TCF4: variants seen among roughly 807,000 people sequenced by gnomAD.
TCF4 encodes transcription factor 4, also known as SL3-3 enhancer factor 2.
In TCF4, 3 loss-of-function variants were observed where a neutral mutation model predicts 82.1. The ratio of observed to expected loss-of-function variants is 0.04; its 90% CI spans 0.02 to 0.09. TCF4 has a LOEUF of 0.09. Among genes scored for constraint, TCF4 ranks in the 10% least tolerant of loss-of-function variants. The probability of loss-of-function intolerance (pLI) is 1.00; values close to 1 mark genes in which losing one functional copy is unlikely to be tolerated. For missense variants in TCF4, 518 were observed against 852.7 expected, an observed-to-expected ratio of 0.61 and a Z score of 4.89; for synonymous variants, 276 against 309.6, an observed-to-expected ratio of 0.89 and a Z score of 1.14.
At chr18:55,405,214 C>A (rs918771095) in intron 5 of TCF4, among the ~76,000 whole-genome samples, 2 of 152,192 alleles carry the variant, frequency 1.3e-5, no homozygotes, top group African/African-American at 4.8e-5. Flanking sequence ...AAAGGCTCGA[C>A]CTTCATGAGC....
chr18:55,273,181 G>A (rs548006053), intron 10 of TCF4, among the ~76,000 whole-genome samples: 1 of 152,268 alleles, frequency 6.6e-6, no homozygotes, highest in Non-Finnish European at 1.5e-5. Flanking sequence ...GGGATTTAAA[G>A]ACTAAACATC....
intron 2 of TCF4, among the ~76,000 whole-genome samples, chr18:55,616,477 A>G (rs1271706485): frequency 1.3e-5 from 2 of 152,082 alleles, no homozygotes; most frequent in Non-Finnish European, 1.5e-5. Context: ...TTGGATATAT[A>G]CCAGAAGTGG....
intron 11 of TCF4, among the ~76,000 whole-genome samples, chr18:55,264,151 C>T (rs2058622144): frequency 1.3e-5 from 2 of 152,074 alleles, no homozygotes; most frequent in African/African-American, 2.4e-5. Flanking sequence ...AGAACTACAC[C>T]TTTCTAACTA....
intron 3 of TCF4, among the ~76,000 whole-genome samples, chr18:55,555,257 AC>A (rs1315153024): frequency 1.3e-5 from 2 of 152,190 alleles, no homozygotes; most frequent in African/African-American, 4.8e-5. Context: ...ATCTCATACT[AC>A]AAATTCAAAC....
chr18:55,405,998 G>A (rs2094066234), intron 5 of TCF4, among the ~76,000 whole-genome samples: 1 of 152,092 alleles, frequency 6.6e-6, no homozygotes, highest in South Asian at 2.1e-4. Flanking sequence ...TAAGAGACCA[G>A]CATAGACATG....
At chr18:55,250,852 G>C (rs1011153442) in intron 15 of TCF4, among the ~76,000 whole-genome samples, 3 of 152,206 alleles carry the variant, frequency 2.0e-5, no homozygotes, top group African/African-American at 7.2e-5. Context: ...GCTATGCGGA[G>C]CTGGTTAAGA....
chr18:55,550,958 C>G (rs78298053), intron 3 of TCF4: 1 of 149,558 alleles, frequency 6.7e-6, no homozygotes, highest in Non-Finnish European at 1.5e-5. Flanking sequence ...TTTTTTTTTT[C>G]TATGACACGA....
chr18:55,355,258 T>A (rs760364290), intron 6 of TCF4, among the ~76,000 whole-genome samples: 12 of 152,174 alleles, frequency 7.9e-5, no homozygotes, highest in Non-Finnish European at 1.8e-4. Context: ...AAATGCAAAA[T>A]ACACATTGAG....
At chr18:55,487,874 C>A in intron 3 of TCF4, among the ~76,000 whole-genome samples, 1 of 151,332 alleles carries the variant, frequency 6.6e-6, no homozygotes, top group Non-Finnish European at 1.5e-5. Flanking sequence ...GGATTGTATA[C>A]AAAGCTCTCC....
At chr18:55,587,991 C>A in intron 1 of TCF4, 47 bp downstream of exon 1, 1 of 979,290 alleles carries the variant, frequency 1.0e-6, no homozygotes, top group African/African-American at 1.8e-5. Context: ...AACCCCGCGC[C>A]GCCGGGCGCC....
intron 3 of TCF4, among the ~76,000 whole-genome samples, chr18:55,571,990 G>A (rs557161876): frequency 1.3e-5 from 2 of 152,184 alleles, no homozygotes; most frequent in East Asian, 3.9e-4. Context: ...AGCATCCCTG[G>A]ATGCTGAGAG....
intron 5 of TCF4, among the ~76,000 whole-genome samples, chr18:55,409,691 T>C (rs923059870): frequency 2.6e-5 from 4 of 152,206 alleles, no homozygotes; most frequent in African/African-American, 9.6e-5. Flanking sequence ...ATGATGTAGG[T>C]TCAAAAATTA....
chr18:55,415,866 G>C (rs1409764290), intron 5 of TCF4, among the ~76,000 whole-genome samples: 2 of 152,118 alleles, frequency 1.3e-5, no homozygotes, highest in East Asian at 3.9e-4. Flanking sequence ...TGAGTATATT[G>C]AATTACACTT....
intron 8 of TCF4, among the ~76,000 whole-genome samples, chr18:55,332,530 T>TA (rs1457002053): frequency 6.6e-6 from 1 of 152,176 alleles, no homozygotes; most frequent in Non-Finnish European, 1.5e-5. Flanking sequence ...AGCTCTGTGT[T>TA]TATTAGTCTG....
rs375766797 is a variant in TCF4 at position 55,357,553 on chromosome 18, C to T, written c.370-6550G>A. On this transcript the variant is annotated intron_variant, in intron 6 of 19. Transcript: ENST00000354452. ...TACTAGGGAATTAGCAACACTTTTGCTATAAATATAAACAAGTAGCTATAA... is the reference window on the plus strand; with the variant it reads ...TACTAGGGAATTAGCAACACTTTTGTTATAAATATAAACAAGTAGCTATAA... Among the ~76,000 whole-genome samples, 5 of 152,106 alleles carry T rather than the reference C, an allele frequency of 3.3e-5. No homozygotes were observed. The East Asian group carries it at 5.8e-4, about 18-fold the overall frequency.
At chr18:55,315,357 T>G (rs1214305540) in intron 8 of TCF4, among the ~76,000 whole-genome samples, 1 of 152,106 alleles carries the variant, frequency 6.6e-6, no homozygotes, top group African/African-American at 2.4e-5. Context: ...CTTTAAGAAA[T>G]TAGGAAGAAT....
At chr18:55,612,521 T>C (rs895987073) in intron 2 of TCF4, among the ~76,000 whole-genome samples, 1 of 152,244 alleles carries the variant, frequency 6.6e-6, no homozygotes, top group African/African-American at 2.4e-5. Flanking sequence ...AATCATGATA[T>C]GTAGCTCACT....
intron 2 of TCF4, among the ~76,000 whole-genome samples, chr18:55,624,576 T>TAAA (rs35159003): frequency 3.6e-5 from 5 of 137,156 alleles, no homozygotes; most frequent in Non-Finnish European, 6.2e-5. Flanking sequence ...AGACCCAGAT[T>TAAA]AAAAAAAAAA....
At chr18:55,232,255 A>T (rs1290007701) in intron 17 of TCF4, 1 of 463,158 alleles carries the variant, frequency 2.2e-6, no homozygotes, top group East Asian at 3.9e-5. Flanking sequence ...ACTGTACTTG[A>T]ATCAGAGACA....
Sources: allele counts gnomAD v4.1 joint callset (sites outside exome capture counted in the v4.1 genomes callset), GRCh38; gene constraint gnomAD v4.1.1; transcripts MANE v1.5; gene names NCBI Gene and HGNC (gene_info 2026-07-23, HGNC 2026-07-21).